VAC14: variants seen among roughly 807,000 people sequenced by gnomAD.
VAC14 encodes VAC14 component of PIKFYVE complex, also known as protein VAC14 homolog.
VAC14 carries 47 observed loss-of-function variants against 85.3 expected under a neutral mutation model. The ratio of observed to expected loss-of-function variants is 0.55; its 90% CI spans 0.44 to 0.70. VAC14 has a LOEUF of 0.70. VAC14 is among the 30% of genes least tolerant of loss of function. The pLI, the probability that VAC14 is intolerant of heterozygous loss-of-function variation, is 0.00. For missense variants in VAC14, 861 were observed against 1,004.3 expected (o/e 0.86, Z 1.93); for synonymous variants, 447 against 430.5 (o/e 1.04, Z -0.47).
Position 70,688,646 on chromosome 16 carries a change from C to T in VAC14, c.2187-556G>A, listed in dbSNP as rs2053543642. 3 of 985,506 alleles carry T rather than the reference C, an allele frequency of 3.0e-6. No individual in the cohort carries two copies. In the South Asian group the frequency reaches 1.4e-4, roughly 46 times the overall value. 61.0% of individuals were successfully genotyped at this position (985,506 alleles called of 1,614,324 possible). A position where few individuals can be genotyped will look rare whatever the true frequency, so the allele number is the denominator to read the frequency against. On this transcript the variant is annotated intron_variant, in intron 18 of 18. Transcript: ENST00000261776. ...CCTGGGAGGAGGAATGCCGGTCTCACCACTGGACATGCCTACAGCTCCTAC... is the reference window on the plus strand; with the variant it reads ...CCTGGGAGGAGGAATGCCGGTCTCATCACTGGACATGCCTACAGCTCCTAC...
chr16:70,743,184 T>C (rs756088435), intron 13 of VAC14, among the ~76,000 whole-genome samples: 16 of 152,064 alleles, frequency 1.1e-4, no homozygotes, highest in Non-Finnish European at 2.1e-4. Context: ...ACTGTGTGTC[T>C]AAAGGATTGT....
rs549421146 is a variant in VAC14, at chr16:70,741,949, G to A, written c.1528+2474C>T. On this transcript the variant is annotated intron_variant, in intron 13 of 18. Transcript: ENST00000261776. ...GGGCCCACCAGGGACCCCCGGGTCAGGTTCTGCTCCCCCATGGCACACGTC... is the reference window on the plus strand; with the variant it reads ...GGGCCCACCAGGGACCCCCGGGTCAAGTTCTGCTCCCCCATGGCACACGTC... Among the ~76,000 whole-genome samples the A allele has an allele frequency of 1.9e-3, 297 of 152,338 alleles. 2 individuals carry two copies. The highest frequency in any genetic ancestry group is 0.011 in the South Asian group (51 of 4,832).
intron 1 of VAC14, among the ~76,000 whole-genome samples, chr16:70,794,441 T>C (rs1056293889): frequency 6.6e-6 from 1 of 151,870 alleles, no homozygotes; most frequent in Non-Finnish European, 1.5e-5. Flanking sequence ...AGGGGCTTTT[T>C]TTTAAAATAA....
chr16:70,781,308 G>C (rs1395095141), intron 8 of VAC14, among the ~76,000 whole-genome samples: 1 of 152,184 alleles, frequency 6.6e-6, no homozygotes, highest in East Asian at 1.9e-4. Context: ...GCAGAACCGG[G>C]AGCTGAAGCA....
At position 70,687,823 on chromosome 16, in the gene VAC14, CCAGCCCTGGTCCTGACAGGCA is replaced by C; in HGVS notation, c.*84_*104del. ...CCAACACTGCCCTGGGTTGGCAGGC[CCAGCCCTGGTCCTGACAGGCA>C]GGTCCTTGAGCTCCTCGGGAGGGCG... On this transcript the variant is annotated 3_prime_UTR_variant, in exon 19 of 19. Transcript: ENST00000261776. The C allele has an allele frequency of 7.9e-7, 1 of 1,260,166 alleles. No individual in the cohort carries two copies. Among genetic ancestry groups the C allele is most frequent in the Non-Finnish European group, 1.0e-6 (1 of 982,340 alleles). 78.1% of individuals were successfully genotyped at this position (1,260,166 alleles called of 1,614,324 possible).
chr16:70,786,944 G>A (rs774853903), intron 1 of VAC14, among the ~76,000 whole-genome samples: 2 of 152,166 alleles, frequency 1.3e-5, no homozygotes, highest in African/African-American at 4.8e-5. Context: ...AACAGTAACA[G>A]GCACTTTCCA....
At chr16:70,702,272 C>G (rs566452728) in intron 14 of VAC14, among the ~76,000 whole-genome samples, 4 of 152,208 alleles carry the variant, frequency 2.6e-5, no homozygotes, top group Non-Finnish European at 5.9e-5. Flanking sequence ...TCTTGCTGGC[C>G]GAAGAGGCCT....
chr16:70,756,030 G>C (rs1482830126), intron 12 of VAC14: 1 of 456,658 alleles, frequency 2.2e-6, no homozygotes, highest in Non-Finnish European at 4.4e-6. Context: ...ATGAGCCCTG[G>C]GACCCAGCTG....
chr16:70,797,835 T>G (rs2034609008), intron 1 of VAC14, among the ~76,000 whole-genome samples: 1 of 152,210 alleles, frequency 6.6e-6, no homozygotes, highest in Non-Finnish European at 1.5e-5. Flanking sequence ...CACTCTCTTT[T>G]GCTCCTGCTC....
chr16:70,698,645 T>G lies in VAC14; in HGVS notation c.1828A>C (p.Lys610Gln). 6.2e-7 allele frequency: 1 copy of G among 1,614,094 alleles called. No homozygotes were observed. The highest frequency in any genetic ancestry group is 8.5e-7 in the Non-Finnish European group (1 of 1,179,962). ...TCCCGGACGCAGCCTACCAGGGTCT[T>G]CAGGTCCTTCAGCTGGTTCCTTAGC... is the stretch of plus-strand genomic sequence containing the variant. ...FQLRNQLKDLKTLESQNLFCC... is the reference protein window; with the variant it reads ...FQLRNQLKDLQTLESQNLFCC... The change falls in exon 15 of 19, where the codon AAG (lysine) becomes CAG (glutamine). Residue 610 changes from lysine (K) to glutamine (Q), a missense_variant. Lys to Gln is a moderately conservative substitution (Grantham distance 53, BLOSUM62 1). This residue lies in a region of VAC14 where 69 missense variants were observed against 139.0 expected (regional missense o/e 0.50). Transcript: ENST00000261776.
intron 14 of VAC14, among the ~76,000 whole-genome samples, chr16:70,704,073 T>C (rs2053877895): frequency 1.3e-5 from 2 of 152,210 alleles, no homozygotes; most frequent in Admixed American, 1.3e-4. Context: ...ACACATCAGG[T>C]GCCAGCCATG....
intron 18 of VAC14, chr16:70,689,761 G>C: frequency 2.0e-6 from 2 of 985,518 alleles, no homozygotes; most frequent in South Asian, 4.7e-5. Flanking sequence ...ATTCTAGAGG[G>C]CCAGGCTGTG....
intron 12 of VAC14, among the ~76,000 whole-genome samples, chr16:70,748,280 C>T (rs1426437838): frequency 2.0e-5 from 3 of 152,200 alleles, no homozygotes; most frequent in Non-Finnish European, 2.9e-5. Flanking sequence ...TAGTCCTGTG[C>T]TGGGTATAAG....
intron 1 of VAC14, among the ~76,000 whole-genome samples, chr16:70,793,424 G>T (rs1389331841): frequency 6.6e-6 from 1 of 152,190 alleles, no homozygotes. Context: ...GAGAAGTTAA[G>T]AAATATACAC....
In VAC14 at chr16:70,724,295, G is replaced by A. The variant is rs182457394; in HGVS notation, c.1661+7200C>T. On this transcript the variant is annotated intron_variant, in intron 14 of 18. Transcript: ENST00000261776. ...TGTATGACACTGTGGGGACTGCTTG[G>A]AGGAGGCAGAGCAAGGCCAGGACCA... 2.2e-3 allele frequency among the ~76,000 whole-genome samples: 341 copies of A among 152,284 alleles called. 2 individuals carry two copies. Among genetic ancestry groups the A allele is most frequent in the South Asian group, 0.013 (61 of 4,820 alleles).
intron 14 of VAC14, among the ~76,000 whole-genome samples, chr16:70,709,683 A>ACAGCAG (rs1387075024): frequency 1.3e-5 from 2 of 152,236 alleles, no homozygotes; most frequent in African/African-American, 4.8e-5. Context: ...GCTGACTCCA[A>ACAGCAG]CAGCAGGTTC....
At chr16:70,789,662 G>A (rs565584708) in intron 1 of VAC14, among the ~76,000 whole-genome samples, 1 of 152,322 alleles carries the variant, frequency 6.6e-6, no homozygotes, top group African/African-American at 2.4e-5. Flanking sequence ...TCTGAGAACT[G>A]AGAATGACTT....
At chr16:70,690,841 T>A in intron 18 of VAC14, 1 of 985,488 alleles carries the variant, frequency 1.0e-6, no homozygotes, top group Non-Finnish European at 1.2e-6. Flanking sequence ...ATCTATGGTA[T>A]CTCTTCCTAG....
At chr16:70,774,007 T>C (rs532913757) in intron 9 of VAC14, among the ~76,000 whole-genome samples, 2 of 151,956 alleles carry the variant, frequency 1.3e-5, no homozygotes, top group Admixed American at 1.3e-4. Context: ...ACTCCTGGGC[T>C]CAAGTGATCC....
Sources: allele counts gnomAD v4.1 joint callset (sites outside exome capture counted in the v4.1 genomes callset), GRCh38; gene constraint gnomAD v4.1.1; regional missense constraint gnomAD v4.1.1; transcripts MANE v1.5; gene names NCBI Gene and HGNC (gene_info 2026-07-23, HGNC 2026-07-21).